The following CDC73 variants were observed in gnomAD, a reference collection of about 807,000 sequenced individuals.
CDC73 encodes the protein parafibromin.
In CDC73, 21 loss-of-function variants were observed where a neutral mutation model predicts 83.7. The observed-to-expected ratio is 0.25, with a 90% CI of 0.18 to 0.36. The LOEUF (loss-of-function observed/expected upper bound fraction) is 0.36. Ranked by LOEUF, CDC73 falls within the 10% of genes least tolerant of loss-of-function variation. The probability of loss-of-function intolerance (pLI) is 1.00; values close to 1 mark genes in which losing one functional copy is unlikely to be tolerated. For missense variants in CDC73, 342 were observed against 653.3 expected, an observed-to-expected ratio of 0.52 and a Z score of 5.19; for synonymous variants, 224 against 212.9, an observed-to-expected ratio of 1.05 and a Z score of -0.45.
At chr1:193,203,669 G>C (rs1677129210) in intron 10 of CDC73, 126 bp from the exon 11 acceptor site, 1 of 775,366 alleles carries the variant, frequency 1.3e-6, no homozygotes, top group Non-Finnish European at 2.2e-6. Context: ...ATGTTCAGTG[G>C]AGTAACCAAC....
At position 193,185,568 on chromosome 1, in the gene CDC73, A is replaced by C. The variant is rs1166751101; in HGVS notation, c.973-18227A>C. Among the ~76,000 whole-genome samples, 4 of 152,202 alleles carry C rather than the reference A, an allele frequency of 2.6e-5. No individual in the cohort carries two copies. The East Asian group carries it at 7.7e-4, about 29-fold the overall frequency. On this transcript the variant is annotated intron_variant, in intron 10 of 16. Coordinates refer to ENST00000367435, the MANE Select transcript of CDC73 (RefSeq NM_024529.5). Reference sequence around the variant, plus strand: ...TTTTGTTTTAAAAGGACTTTGAAAAAAAAACTCTTAAGGTTTTCCTTGCTA... The same window carrying C: ...TTTTGTTTTAAAAGGACTTTGAAAACAAAACTCTTAAGGTTTTCCTTGCTA...
intron 2 of CDC73, 24 bp downstream of exon 2, chr1:193,125,241 T>C: frequency 1.7e-6 from 2 of 1,186,584 alleles, no homozygotes; most frequent in Non-Finnish European, 2.4e-6. Context: ...ATTTTACTTA[T>C]CTATCTATTT....
chr1:193,127,362 A>G (rs1046444529), intron 2 of CDC73, among the ~76,000 whole-genome samples: 3 of 151,310 alleles, frequency 2.0e-5, no homozygotes, highest in African/African-American at 7.3e-5. Flanking sequence ...TGGGCTTTGT[A>G]TTAAACCATA....
intron 7 of CDC73, among the ~76,000 whole-genome samples, chr1:193,147,585 G>T (rs547105151): frequency 3.3e-5 from 5 of 152,146 alleles, no homozygotes; most frequent in East Asian, 1.9e-4. Context: ...AGCCAGGGTG[G>T]TCTCCATCTC....
chr1:193,160,712 T>A (rs1676294496), intron 10 of CDC73, among the ~76,000 whole-genome samples: 1 of 152,090 alleles, frequency 6.6e-6, no homozygotes, highest in Non-Finnish European at 1.5e-5. Flanking sequence ...ATGCTTTTAT[T>A]TTCTGTATTT....
At chr1:193,162,353 T>A (rs545640765) in intron 10 of CDC73, among the ~76,000 whole-genome samples, 1 of 138,822 alleles carries the variant, frequency 7.2e-6, no homozygotes, top group Admixed American at 8.0e-5. Context: ...TATATACATA[T>A]ATATTATATA....
chr1:193,195,249 C>A (rs1219952721), intron 10 of CDC73, among the ~76,000 whole-genome samples: 2 of 152,126 alleles, frequency 1.3e-5, no homozygotes, highest in African/African-American at 4.8e-5. Context: ...CCGTCACAAA[C>A]CCACACAGAA....
intron 10 of CDC73, chr1:193,181,361 G>T (rs751156224): frequency 6.2e-7 from 1 of 1,613,982 alleles, no homozygotes; most frequent in Admixed American, 1.7e-5. Flanking sequence ...TTTGTTGACC[G>T]AAATCCTCGG....
At chr1:193,209,298 C>T (rs1677239128) in intron 11 of CDC73, among the ~76,000 whole-genome samples, 1 of 152,206 alleles carries the variant, frequency 6.6e-6, no homozygotes, top group African/African-American at 2.4e-5. Flanking sequence ...CAGCAGTTAG[C>T]ATCTACTGTA....
chr1:193,181,386 A>G, intron 10 of CDC73: 1 of 1,614,070 alleles, frequency 6.2e-7, no homozygotes, highest in Non-Finnish European at 8.5e-7. Flanking sequence ...TGTATGTCAC[A>G]GGGTTTTCTT....
Position 193,254,519 on chromosome 1 carries a change from T to G in CDC73, c.*3807T>G. ...GCCATGTCCTATATATTCTGGCATA[T>G]TTGTTGGCACATTTGCAAGTATGTT... On this transcript the variant is annotated 3_prime_UTR_variant, in exon 17 of 17. Coordinates refer to ENST00000367435, the MANE Select transcript of CDC73 (RefSeq NM_024529.5). Among the ~76,000 whole-genome samples the G allele has an allele frequency of 6.6e-6, 1 of 152,288 alleles. No individual in the cohort carries two copies. The highest frequency in any genetic ancestry group is 2.1e-4 in the South Asian group (1 of 4,826).
chr1:193,250,082 T>A (rs1678021926), intron 16 of CDC73, among the ~76,000 whole-genome samples: 1 of 151,952 alleles, frequency 6.6e-6, no homozygotes, highest in African/African-American at 2.4e-5. Context: ...AACACTAAAC[T>A]GAGTCAGAAG....
At chr1:193,243,430 A>G (rs1677897405) in intron 15 of CDC73, among the ~76,000 whole-genome samples, 1 of 152,174 alleles carries the variant, frequency 6.6e-6, no homozygotes. Flanking sequence ...CTAGTATCCT[A>G]GCTTTAAATT....
chr1:193,202,800 A>G (rs1677115228), intron 10 of CDC73, among the ~76,000 whole-genome samples: 1 of 151,976 alleles, frequency 6.6e-6, no homozygotes, highest in Non-Finnish European at 1.5e-5. Flanking sequence ...TAAAAATGCC[A>G]TGGGATAGCC....
intron 10 of CDC73, chr1:193,181,205 C>A: frequency 6.2e-7 from 1 of 1,613,824 alleles, no homozygotes; most frequent in Non-Finnish European, 8.5e-7. Context: ...TAAATACTTC[C>A]ATTGGCACTA....
rs920880998 is a variant in CDC73 at position 193,251,574 on chromosome 1, C to G, written c.*862C>G. ...TTTATGGTATAGGATTTTGAATCTTCTATTTTAGGCTTGTCAGTCTTGGAG... is the reference window on the plus strand; with the variant it reads ...TTTATGGTATAGGATTTTGAATCTTGTATTTTAGGCTTGTCAGTCTTGGAG... On this transcript the variant is annotated 3_prime_UTR_variant, in exon 17 of 17. Coordinates refer to ENST00000367435, the MANE Select transcript of CDC73 (RefSeq NM_024529.5). 8.6e-6 allele frequency: 2 copies of G among 231,932 alleles called. No homozygotes were observed. Among genetic ancestry groups the G allele is most frequent in the African/African-American group, 2.2e-5 (1 of 45,226 alleles). The allele number at this position is 231,932 out of a possible 1,614,324, so 14.4% of individuals were successfully genotyped here. A position where few individuals can be genotyped will look rare whatever the true frequency, so the allele number is the denominator to read the frequency against.
chr1:193,127,289 A>AATGTGTG (rs1553277969), intron 2 of CDC73, among the ~76,000 whole-genome samples: 28 of 143,258 alleles, frequency 2.0e-4, no homozygotes, highest in East Asian at 8.2e-4. Context: ...AAAAAAAAAA[A>AATGTGTG]TGTGTGTGTG....
rs769522707 is a variant in CDC73, at chr1:193,122,221, C to G, written c.21C>G (p.Val7=). MADVLS[V]LRQYNIQKKE... ...GGAAGATGGCGGACGTGCTTAGCGT[C>G]CTGCGACAGTACAACATCCAGAAGA... is the stretch of plus-strand genomic sequence containing the variant. The change falls in exon 1 of 17, where the codon GTC becomes GTG. Residue 7 remains valine (V), a synonymous_variant. Coordinates refer to ENST00000367435, the MANE Select transcript of CDC73 (RefSeq NM_024529.5). 2 of 1,614,048 alleles carry G rather than the reference C, an allele frequency of 1.2e-6. No homozygotes were observed. Among genetic ancestry groups the G allele is most frequent in the Non-Finnish European group, 1.7e-6 (2 of 1,180,030 alleles).
rs1193121996 is a variant in CDC73, at chr1:193,122,147, C to T, written c.-54C>T. ...GCGAGGCGACAAGAGAAGAAGGAGGCAGGCGCGGCGGCAGCGGCGGCGCCC... is the reference window on the plus strand; with the variant it reads ...GCGAGGCGACAAGAGAAGAAGGAGGTAGGCGCGGCGGCAGCGGCGGCGCCC... On this transcript the variant is annotated 5_prime_UTR_variant, in exon 1 of 17. Coordinates refer to ENST00000367435, the MANE Select transcript of CDC73 (RefSeq NM_024529.5). The T allele has an allele frequency of 2.7e-5, 42 of 1,573,506 alleles. No homozygotes were observed. Among genetic ancestry groups the T allele is most frequent in the East Asian group, 6.7e-5 (3 of 44,568 alleles).
Sources: gnomAD v4.1 joint callset for allele counts (sites outside exome capture counted in the v4.1 genomes callset) on GRCh38, gnomAD v4.1.1 for gene constraint, MANE v1.5 for transcripts, NCBI Gene and HGNC (gene_info 2026-07-23, HGNC 2026-07-21) for gene names.